CELF2: variants seen among roughly 807,000 people sequenced by gnomAD.
CELF2 encodes the protein CUGBP Elav-like family member 2.
Under a neutral mutation model 62.6 loss-of-function variants are expected in CELF2, and 8 were observed. That is an observed-to-expected ratio of 0.13 (90% CI 0.07 to 0.23). The LOEUF (loss-of-function observed/expected upper bound fraction) is 0.23, where lower values mean the gene tolerates loss of function less well. CELF2 is among the 10% of genes least tolerant of loss of function. The pLI is 1.00. For missense variants in CELF2, 333 were observed against 671.0 expected (o/e 0.50, Z 5.56); for synonymous variants, 258 against 250.0 (o/e 1.03, Z -0.30).
At chr10:10,906,176 A>G (rs1221188767) in intron 1 of CELF2, among the ~76,000 whole-genome samples, 1 of 148,124 alleles carries the variant, frequency 6.8e-6, no homozygotes. Flanking sequence ...CTAACTATTT[A>G]TTTCCCAGGT....
intron 1 of CELF2, among the ~76,000 whole-genome samples, chr10:11,128,596 C>T (rs1248548799): frequency 6.6e-6 from 1 of 152,024 alleles, no homozygotes; most frequent in Non-Finnish European, 1.5e-5. Context: ...CCTTCACATC[C>T]CTTGTAATTT....
At chr10:10,624,450 T>G in the CELF2 span, among the ~76,000 whole-genome samples, 3 of 152,320 alleles carry the variant, frequency 2.0e-5, no homozygotes, top group South Asian at 6.2e-4. Context: ...TCAAAATGAT[T>G]CAGGCTTTCA....
Position 11,165,341 on chromosome 10 carries a change from A to G in CELF2, c.75-145A>G, listed in dbSNP as rs2066752792. 6.9e-7 allele frequency: 1 copy of G among 1,457,670 alleles called. No homozygotes were observed. Among genetic ancestry groups the G allele is most frequent in the East Asian group, 2.5e-5 (1 of 40,410 alleles). The allele number at this position is 1,457,670 out of a possible 1,614,324, so 90.3% of individuals were successfully genotyped here. A position where few individuals can be genotyped will look rare whatever the true frequency, so the allele number is the denominator to read the frequency against. On this transcript the variant is annotated intron_variant, in intron 1 of 12. Coordinates refer to ENST00000633077, the MANE Select transcript of CELF2 (RefSeq NM_001326342.2). The surrounding 1 kb of genome is among the most constrained non-coding windows in gnomAD (Gnocchi z 7.4). ...TGGTGCCTCCGCTTTGTTTTAGTTC[A>G]TCAAATTTCTACGACTCATTAGGCA...
At chr10:11,293,986 G>C (rs2092849684) in intron 9 of CELF2, among the ~76,000 whole-genome samples, 1 of 152,138 alleles carries the variant, frequency 6.6e-6, no homozygotes, top group Admixed American at 6.5e-5. Flanking sequence ...GATCCCTCAA[G>C]AACCAAACCT....
At chr10:10,466,937 C>T in the CELF2 span, among the ~76,000 whole-genome samples, 2 of 151,972 alleles carry the variant, frequency 1.3e-5, no homozygotes, top group African/African-American at 4.8e-5. Flanking sequence ...CCTGGATAGA[C>T]ATCTCTTTTC....
At position 10,920,336 on chromosome 10, in the gene CELF2, G is replaced by A. The variant is rs149912799; in HGVS notation, c.89+337G>A. ...ATTATGTTCACGGGAATTGGCAATC[G>A]AAAAACATATTGGATTGGTTTTTTC... On this transcript the variant is annotated intron_variant, in intron 2 of 13. Coordinates refer to the CELF2 transcript ENST00000636488. Among the ~76,000 whole-genome samples the A allele has an allele frequency of 5.0e-4, 76 of 152,208 alleles. No homozygotes were observed. In the East Asian group the frequency reaches 0.01, roughly 21 times the overall value.
chr10:10,707,040 G>A, the CELF2 span, among the ~76,000 whole-genome samples: 8 of 152,180 alleles, frequency 5.3e-5, no homozygotes, highest in African/African-American at 1.7e-4. Context: ...CCCGACTCAG[G>A]AGTTTTTCAA....
At chr10:10,830,495 G>A (rs544584320) in intron 1 of CELF2, among the ~76,000 whole-genome samples, 4 of 151,990 alleles carry the variant, frequency 2.6e-5, no homozygotes, top group African/African-American at 7.3e-5. Context: ...AGTTTGATTC[G>A]TCATTTTGTG....
At chr10:10,662,447 G>A in the CELF2 span, among the ~76,000 whole-genome samples, 1 of 152,118 alleles carries the variant, frequency 6.6e-6, no homozygotes, top group Non-Finnish European at 1.5e-5. Flanking sequence ...CAGAGACAAC[G>A]CAAGCTGAGA....
intron 1 of CELF2, among the ~76,000 whole-genome samples, chr10:11,085,125 A>G (rs1199077284): frequency 2.6e-5 from 4 of 152,240 alleles, no homozygotes; most frequent in Admixed American, 6.5e-5. Flanking sequence ...GTGATTTTAT[A>G]TTTAATCATC....
rs2095945306 is a variant in CELF2 at position 11,329,713 on chromosome 10, T to C, written c.*660T>C. 1 of 152,460 alleles carries C rather than the reference T, an allele frequency of 6.6e-6. No individual in the cohort carries two copies. Among genetic ancestry groups the C allele is most frequent in the Non-Finnish European group, 1.5e-5 (1 of 68,048 alleles). The allele number at this position is 152,460 out of a possible 1,614,324, so 9.4% of individuals were successfully genotyped here. On this transcript the variant is annotated 3_prime_UTR_variant, in exon 13 of 13. Coordinates refer to ENST00000633077, the MANE Select transcript of CELF2 (RefSeq NM_001326342.2). The surrounding 1 kb of genome is among the most constrained non-coding windows in gnomAD (Gnocchi z 5.5). ...TTGTCTATTTTGTTATTGTTTTATT[T>C]TAGTTTTTAGAAAGGATTAATGTAC...
chr10:10,559,891 G>C, the CELF2 span, among the ~76,000 whole-genome samples: 1 of 152,124 alleles, frequency 6.6e-6, no homozygotes, highest in Non-Finnish European at 1.5e-5. Context: ...ATAAAAATTT[G>C]CACTAAAATC....
At chr10:10,641,349 C>T in the CELF2 span, among the ~76,000 whole-genome samples, 4 of 152,152 alleles carry the variant, frequency 2.6e-5, no homozygotes, top group Admixed American at 6.5e-5. Context: ...TAAACTTCAT[C>T]GTGTATCTCT....
chr10:11,318,980 G>T lies in CELF2; in HGVS notation c.1097-2209G>T, dbSNP rs754986811. 6.4e-6 allele frequency: 3 copies of T among 471,032 alleles called. No homozygotes were observed. The allele number at this position is 471,032 out of a possible 1,614,324, so 29.2% of individuals were successfully genotyped here. On this transcript the variant is annotated intron_variant, in intron 10 of 12. Transcript: ENST00000633077. This position sits in a 1 kb window ranked among gnomAD's most constrained non-coding sequence, Gnocchi z 5.4. ...GCCCACCCCTCCATGGGAACTTGGA[G>T]GCGTCCACTGGAGACGAGCTGCTGT...
chr10:10,648,643 G>C, the CELF2 span, among the ~76,000 whole-genome samples: 1 of 152,148 alleles, frequency 6.6e-6, no homozygotes, highest in Admixed American at 6.5e-5. Context: ...TGGAAGCAAT[G>C]GTCTGTAGCT....
intron 2 of CELF2, among the ~76,000 whole-genome samples, chr10:11,169,519 G>T (rs908101550): frequency 3.9e-5 from 6 of 151,992 alleles, no homozygotes; most frequent in Non-Finnish European, 7.4e-5. Context: ...TGGGAACTGT[G>T]AATTCTCCCA....
chr10:11,325,008 A>G (rs2095648898), intron 11 of CELF2, among the ~76,000 whole-genome samples: 1 of 152,058 alleles, frequency 6.6e-6, no homozygotes, highest in Non-Finnish European at 1.5e-5. Flanking sequence ...TAACTTTCAC[A>G]TGGTGCTCAT....
In CELF2 at chr10:11,010,855, TTA is replaced by T. The variant is rs1437411870; in HGVS notation, c.53+5418_53+5419del. 6.6e-6 allele frequency: 1 copy of T among 152,238 alleles called. No homozygotes were observed. 9.4% of individuals were successfully genotyped at this position (152,238 alleles called of 1,614,324 possible). On this transcript the variant is annotated intron_variant, in intron 1 of 12. Transcript: ENST00000416382. The surrounding 1 kb of genome is among the most constrained non-coding windows in gnomAD (Gnocchi z 4.1). ...CTGCGGTCAAATCCCTGGTCACTGT[TTA>T]TAGTTTCAGCTGCTCAGCCCTTCCT...
chr10:10,707,834 C>T, the CELF2 span, among the ~76,000 whole-genome samples: 1 of 152,150 alleles, frequency 6.6e-6, no homozygotes, highest in South Asian at 2.1e-4. Flanking sequence ...TCAACTATTA[C>T]TAAGCCTCTA....
Sources: allele counts gnomAD v4.1 joint callset (sites outside exome capture counted in the v4.1 genomes callset), GRCh38; gene constraint gnomAD v4.1.1; non-coding constraint Gnocchi (gnomAD v3.1); transcripts MANE v1.5; gene names NCBI Gene and HGNC (gene_info 2026-07-23, HGNC 2026-07-21).